Variants in OSBP2 observed in about 807,000 individuals in gnomAD.
OSBP2 encodes oxysterol-binding protein 2.
A neutral mutation model predicts 96.0 loss-of-function variants in OSBP2; 66 were observed. The ratio of observed to expected loss-of-function variants is 0.69; its 90% confidence interval spans 0.56 to 0.84. OSBP2 has a LOEUF of 0.84. OSBP2 is among the 40% of genes least tolerant of loss of function. The pLI, the probability that OSBP2 is intolerant of heterozygous loss-of-function variation, is 0.00. For synonymous variants in OSBP2, 525 were observed against 520.9 expected (o/e 1.01, Z -0.11); for missense variants, 1,038 against 1,222.7 (o/e 0.85, Z 2.25).
intron 2 of OSBP2, among the ~76,000 whole-genome samples, chr22:30,863,363 CA>C (rs1257415931): frequency 6.6e-6 from 1 of 152,080 alleles, no homozygotes; most frequent in East Asian, 1.9e-4. Flanking sequence ...GGCGAGGGTG[CA>C]GTTTTCTGGC....
rs1569119423 is a variant in OSBP2, at chr22:30,778,169, C to CTTTTTTTT, written c.853+36800_853+36801insTTTTTTTT. On this transcript the variant is annotated intron_variant, in intron 2 of 13. Transcript: ENST00000332585. The stretch of plus-strand genomic sequence containing the variant: ...ACCAGCATGCCCGGCTAATTTTTGC[C>CTTTTTTTT]CTTTTTTTTTTTTTTTTTTTTAGTA... Among the ~76,000 whole-genome samples, 785 of 124,112 alleles carry CTTTTTTTT rather than the reference C, an allele frequency of 6.3e-3. 106 individuals are homozygous for CTTTTTTTT. Among genetic ancestry groups the CTTTTTTTT allele is most frequent in the African/African-American group, 0.017 (568 of 33,052 alleles). The allele number at this position is 124,112 out of a possible 152,430, so 81.4% of individuals were successfully genotyped here. A position where few individuals can be genotyped will look rare whatever the true frequency, so the allele number is the denominator to read the frequency against.
At chr22:30,844,920 TATTA>T (rs2038837917) in intron 2 of OSBP2, among the ~76,000 whole-genome samples, 1 of 152,192 alleles carries the variant, frequency 6.6e-6, no homozygotes, top group Non-Finnish European at 1.5e-5. Context: ...TTTGTATGGT[TATTA>T]ATTGGCCTAA....
At chr22:30,858,192 T>C (rs1252165664) in intron 2 of OSBP2, among the ~76,000 whole-genome samples, 3 of 146,988 alleles carry the variant, frequency 2.0e-5, no homozygotes, top group Non-Finnish European at 3.0e-5. Context: ...CAGGCCGGAC[T>C]GCGGACTGCA....
At chr22:30,887,720 C>T (rs2039845134) in intron 4 of OSBP2, 102 bp downstream of exon 4, 1 of 1,071,680 alleles carries the variant, frequency 9.3e-7, no homozygotes, top group East Asian at 2.6e-5. Context: ...GCTGTGCCCA[C>T]ATGTGGGCTG....
At chr22:30,709,191 T>A (rs1361167854) in intron 1 of OSBP2, among the ~76,000 whole-genome samples, 2 of 152,202 alleles carry the variant, frequency 1.3e-5, no homozygotes, top group Non-Finnish European at 2.9e-5. Flanking sequence ...CAATCATTCC[T>A]TATCATCAGC....
At chr22:30,901,137 C>T (rs188647229) in intron 12 of OSBP2, among the ~76,000 whole-genome samples, 3 of 152,250 alleles carry the variant, frequency 2.0e-5, no homozygotes, top group East Asian at 3.9e-4. Flanking sequence ...GATGTGATCT[C>T]GACTCATTGC....
At chr22:30,885,459 A>T (rs2039789674) in intron 3 of OSBP2, among the ~76,000 whole-genome samples, 1 of 152,238 alleles carries the variant, frequency 6.6e-6, no homozygotes, top group Admixed American at 6.5e-5. Flanking sequence ...TGGTGGAACC[A>T]TCTGTGGACC....
At chr22:30,747,660 C>T (rs553572293) in intron 2 of OSBP2, among the ~76,000 whole-genome samples, 3 of 152,250 alleles carry the variant, frequency 2.0e-5, no homozygotes, top group South Asian at 2.1e-4. Flanking sequence ...TGCTGGCAGC[C>T]TCCTTTCCTC....
chr22:30,758,909 G>A (rs1241107082), intron 2 of OSBP2, among the ~76,000 whole-genome samples: 10 of 152,296 alleles, frequency 6.6e-5, no homozygotes, highest in South Asian at 2.1e-4. Context: ...ACCCCATAAC[G>A]TTGTTTTCAT....
intron 2 of OSBP2, among the ~76,000 whole-genome samples, chr22:30,855,759 G>C (rs1157766076): frequency 6.6e-6 from 1 of 152,194 alleles, no homozygotes; most frequent in Non-Finnish European, 1.5e-5. Flanking sequence ...TTTAAGAGGA[G>C]CCCCATCCAG....
At chr22:30,801,631 CTT>C (rs912186818) in intron 2 of OSBP2, among the ~76,000 whole-genome samples, 1 of 152,188 alleles carries the variant, frequency 6.6e-6, no homozygotes, top group African/African-American at 2.4e-5. Flanking sequence ...ATCAAGGTGT[CTT>C]TGGATTTGAA....
chr22:30,742,391 C>G (rs1439817714), intron 2 of OSBP2, among the ~76,000 whole-genome samples: 1 of 150,782 alleles, frequency 6.6e-6, no homozygotes, highest in Non-Finnish European at 1.5e-5. Context: ...AAGATTGCAC[C>G]AGGGTGAGAC....
At chr22:30,744,091 G>A (rs938408371) in intron 2 of OSBP2, among the ~76,000 whole-genome samples, 6 of 152,196 alleles carry the variant, frequency 3.9e-5, no homozygotes, top group African/African-American at 1.4e-4. Context: ...AATGAACCAT[G>A]TATGTGAAGG....
chr22:30,899,739 C>T lies in OSBP2; in HGVS notation c.2375+5738C>T, dbSNP rs186988272. ...TAAATATATAAGCAAAAATCTAAAA[C>T]GATATCAGAAAATCCAATCCAACAG... On this transcript the variant is annotated intron_variant, in intron 12 of 13. Transcript: ENST00000332585. 3.4e-4 allele frequency among the ~76,000 whole-genome samples: 52 copies of T among 152,078 alleles called. 1 individual carries two copies. The East Asian group carries it at 5.8e-3, about 17-fold the overall frequency.
intron 2 of OSBP2, among the ~76,000 whole-genome samples, chr22:30,835,072 C>T (rs1407740556): frequency 1.3e-5 from 2 of 152,140 alleles, no homozygotes; most frequent in African/African-American, 2.4e-5. Flanking sequence ...ACCTCGGCCT[C>T]CCAAAGTGCT....
chr22:30,877,496 C>T (rs1164564668), intron 3 of OSBP2, among the ~76,000 whole-genome samples: 1 of 152,192 alleles, frequency 6.6e-6, no homozygotes, highest in Non-Finnish European at 1.5e-5. Context: ...GGCACTGCCT[C>T]TGTCACTTGG....
At chr22:30,749,346 T>C (rs2090044903) in intron 2 of OSBP2, among the ~76,000 whole-genome samples, 1 of 152,208 alleles carries the variant, frequency 6.6e-6, no homozygotes, top group Admixed American at 6.5e-5. Flanking sequence ...AGTTGGTTAA[T>C]ATCATTAGCT....
chr22:30,759,113 C>T (rs62235897), intron 2 of OSBP2, among the ~76,000 whole-genome samples: 141 of 152,210 alleles, frequency 9.3e-4, no homozygotes, highest in Non-Finnish European at 1.7e-3. Context: ...TTTGGGAAGC[C>T]GAGACAGGTG....
In OSBP2 at chr22:30,705,455, G is replaced by A. The variant is rs1366924144; in HGVS notation, c.644+9902G>A. On this transcript the variant is annotated intron_variant, in intron 1 of 13. Transcript: ENST00000332585. ...ATTACAGGCATGCACCACCATGCCC[G>A]GCTAATTTTGTATTTTTAGTAGAGT... 2.6e-5 allele frequency among the ~76,000 whole-genome samples: 4 copies of A among 152,120 alleles called. No individual in the cohort carries two copies. In the East Asian group the frequency reaches 5.8e-4, roughly 22 times the overall value.
Sources: allele counts gnomAD v4.1 joint callset (sites outside exome capture counted in the v4.1 genomes callset), GRCh38; gene constraint gnomAD v4.1.1; transcripts MANE v1.5; gene names NCBI Gene and HGNC (gene_info 2026-07-23, HGNC 2026-07-21).